SYNE1: variants seen among roughly 807,000 people sequenced by gnomAD.
SYNE1 encodes the protein nesprin-1.
SYNE1 carries 616 observed loss-of-function variants against 1,111.0 expected under a neutral mutation model. The observed-to-expected ratio is 0.55, with a 90% confidence interval of 0.52 to 0.59. The LOEUF is 0.59. Among genes scored for constraint, SYNE1 ranks in the 20% least tolerant of loss-of-function variants. SYNE1 has a pLI of 0.00. For synonymous variants in SYNE1, 3,855 were observed against 3,825.8 expected, an observed-to-expected ratio of 1.01 and a Z score of -0.28; for missense variants, 10,006 against 10,417.0, an observed-to-expected ratio of 0.96 and a Z score of 1.72.
intron 127 of SYNE1, among the ~76,000 whole-genome samples, chr6:152,200,160 G>A (rs1240076467): frequency 6.6e-6 from 1 of 152,158 alleles, no homozygotes; most frequent in Non-Finnish European, 1.5e-5. Flanking sequence ...CAGACGCACA[G>A]TATACCAACC....
chr6:152,417,327 T>G (rs2098172603), intron 40 of SYNE1, among the ~76,000 whole-genome samples: 1 of 152,134 alleles, frequency 6.6e-6, no homozygotes, highest in Non-Finnish European at 1.5e-5. Flanking sequence ...TGAAACCCCG[T>G]CTCTACTAAG....
intron 14 of SYNE1, among the ~76,000 whole-genome samples, chr6:152,474,074 A>G (rs576293657): frequency 4.5e-4 from 68 of 151,984 alleles, no homozygotes; most frequent in Non-Finnish European, 2.6e-4. Context: ...AGTCCCAGCT[A>G]CTTGGAAGGC....
At chr6:152,230,215 T>A (rs2082464875) in intron 115 of SYNE1, among the ~76,000 whole-genome samples, 1 of 152,128 alleles carries the variant, frequency 6.6e-6, no homozygotes, top group South Asian at 2.1e-4. Context: ...TTGTAGCTTT[T>A]TGTAGAGAGA....
chr6:152,358,985 T>C (rs2096886003), intron 65 of SYNE1, among the ~76,000 whole-genome samples: 1 of 152,236 alleles, frequency 6.6e-6, no homozygotes, highest in African/African-American at 2.4e-5. Context: ...ATACTATCAG[T>C]GATTATTTCC....
At chr6:152,257,029 A>G (rs1305649863) in intron 101 of SYNE1, among the ~76,000 whole-genome samples, 1 of 152,016 alleles carries the variant, frequency 6.6e-6, no homozygotes, top group Non-Finnish European at 1.5e-5. Flanking sequence ...CTGGTGTTCT[A>G]TTACACAGGA....
chr6:152,267,002 T>C (rs991248081), intron 100 of SYNE1, among the ~76,000 whole-genome samples: 2 of 152,196 alleles, frequency 1.3e-5, no homozygotes, highest in Non-Finnish European at 2.9e-5. Context: ...CAACTTTATA[T>C]CACATTTTTA....
intron 3 of SYNE1, among the ~76,000 whole-genome samples, chr6:152,555,149 AT>A (rs1443912536): frequency 1.3e-5 from 2 of 152,180 alleles, no homozygotes; most frequent in African/African-American, 2.4e-5. Flanking sequence ...AAATAAACTC[AT>A]ATTTTTTGTT....
rs755030815 is a variant in SYNE1, at chr6:152,293,963, A to G, written c.17847T>C (p.Asn5949=). The change falls in exon 94 of 146, where the codon AAT becomes AAC. Residue 5949 remains asparagine, a synonymous_variant. Transcript: ENST00000367255. ...DLQRSWETLK[N]VISEKQRTLY... ...CTAGTCCACCTTGAAGACTTACCAC[A>G]TTCTTTAAGGTTTCCCAAGAACGCT... 3.7e-6 allele frequency: 6 copies of G among 1,614,006 alleles called. No individual in the cohort carries two copies. The African/African-American group carries it at 8.0e-5, about 22-fold the overall frequency.
chr6:152,289,399 T>TTTTG (rs144029444), intron 95 of SYNE1, among the ~76,000 whole-genome samples: 3 of 152,022 alleles, frequency 2.0e-5, no homozygotes, highest in Non-Finnish European at 4.4e-5. Flanking sequence ...GAACACAAGT[T>TTTTG]TTTGTTTGTT....
chr6:152,310,291 T>C lies in SYNE1; in HGVS notation c.17019+105A>G, dbSNP rs543090401. 82 of 1,497,290 alleles carry C rather than the reference T, an allele frequency of 5.5e-5. 1 individual carries two copies. The South Asian group carries it at 8.9e-4, about 16-fold the overall frequency. The allele number at this position is 1,497,290 out of a possible 1,614,324, so 92.8% of individuals were successfully genotyped here. A position where few individuals can be genotyped will look rare whatever the true frequency, so the allele number is the denominator to read the frequency against. ...ACCCTGTCTCTATTTAAAAATAAAT[T>C]AAAAAAAATAAAACAGTGTTGAGTT... On this transcript the variant is annotated intron_variant, in intron 89 of 145. Coordinates refer to ENST00000367255, the MANE Select transcript of SYNE1 (RefSeq NM_182961.4).
chr6:152,406,686 G>C (rs2097906748), intron 45 of SYNE1, among the ~76,000 whole-genome samples: 1 of 151,904 alleles, frequency 6.6e-6, no homozygotes, highest in South Asian at 2.1e-4. Context: ...TGACCAACAT[G>C]GTGAAATCCC....
intron 130 of SYNE1, among the ~76,000 whole-genome samples, chr6:152,166,554 A>C (rs1044189327): frequency 1.4e-4 from 21 of 152,208 alleles, no homozygotes; most frequent in African/African-American, 4.6e-4. Flanking sequence ...GACCGTCTAC[A>C]TTAGAAAAAT....
At chr6:152,202,372 A>AAAAAAAAAAAAAAAAAAC (rs1563460366) in intron 126 of SYNE1, among the ~76,000 whole-genome samples, 1 of 28,118 alleles carries the variant, frequency 3.6e-5, no homozygotes. Context: ...AAAAAAAAGC[A>AAAAAAAAAAAAAAAAAAC]AAAAAAAAAA....
chr6:152,419,829 C>G (rs2098225575), intron 39 of SYNE1, 107 bp from the exon 40 acceptor site: 1 of 1,081,556 alleles, frequency 9.2e-7, no homozygotes, highest in Non-Finnish European at 1.4e-6. Flanking sequence ...AATGTTGTCA[C>G]ACATGAACAC....
chr6:152,528,131 C>T (rs1334258691), intron 4 of SYNE1, among the ~76,000 whole-genome samples: 2 of 152,158 alleles, frequency 1.3e-5, no homozygotes, highest in African/African-American at 2.4e-5. Context: ...TTTCTTTCTC[C>T]TCTCTTCTTC....
chr6:152,326,046 A>G lies in SYNE1; in HGVS notation c.15350T>C (p.Met5117Thr), dbSNP rs150761564. 3.7e-5 allele frequency: 60 copies of G among 1,614,074 alleles called. No homozygotes were observed. Among genetic ancestry groups the G allele is most frequent in the Non-Finnish European group, 4.2e-5 (50 of 1,180,032 alleles). ...AGACAATTTCTTTTCTGTATCATTCATCAATTCAATAACCTCTTCCCTTGC... is the reference window on the plus strand; with the variant it reads ...AGACAATTTCTTTTCTGTATCATTCGTCAATTCAATAACCTCTTCCCTTGC... ...QKAREEVIEL[M>T]NDTEKKLSEF... is the part of the protein sequence containing the mutation. The change falls in exon 80 of 146, where the codon ATG (methionine) becomes ACG (threonine). Residue 5117 changes from methionine (M) to threonine (T), a missense_variant. By Grantham distance (81) the Met-to-Thr change is moderately conservative. Transcript: ENST00000367255.
intron 32 of SYNE1, 91 bp from the exon 33 acceptor site, chr6:152,436,192 G>A: frequency 7.4e-7 from 1 of 1,354,680 alleles, no homozygotes; most frequent in Non-Finnish European, 1.0e-6. Context: ...CAGAACAGAT[G>A]GGTGGATGAA....
intron 3 of SYNE1, among the ~76,000 whole-genome samples, chr6:152,603,013 C>G (rs977654165): frequency 1.3e-5 from 2 of 152,112 alleles, no homozygotes; most frequent in Admixed American, 1.3e-4. Flanking sequence ...TGAGCCAGAC[C>G]AGGGTGGAGA....
At chr6:152,179,812 G>C (rs1563259971) in intron 129 of SYNE1, among the ~76,000 whole-genome samples, 1 of 148,886 alleles carries the variant, frequency 6.7e-6, no homozygotes, top group Non-Finnish European at 1.5e-5. Context: ...AGCCTCTAGA[G>C]TAGCTGGTAC....
Sources: allele counts gnomAD v4.1 joint callset (sites outside exome capture counted in the v4.1 genomes callset), GRCh38; gene constraint gnomAD v4.1.1; transcripts MANE v1.5; gene names NCBI Gene and HGNC (gene_info 2026-07-23, HGNC 2026-07-21).